Variants in NCAPG observed in about 807,000 individuals in gnomAD.
The protein encoded by NCAPG is condensin complex subunit 3.
Under a neutral mutation model 113.1 loss-of-function variants are expected in NCAPG, and 69 were observed. The observed-to-expected ratio is 0.61, with a 90% confidence interval of 0.50 to 0.75. The LOEUF is 0.75. NCAPG is among the 30% of genes least tolerant of loss of function. The pLI, the probability that NCAPG is intolerant of heterozygous loss-of-function variation, is 0.00. For synonymous variants in NCAPG, 370 were observed against 415.8 expected (o/e 0.89, Z 1.34); for missense variants, 1,058 against 1,177.0 (o/e 0.90, Z 1.48).
At chr4:17,819,196 CATTTA>C (rs941859261) in intron 7 of NCAPG, among the ~76,000 whole-genome samples, 10 of 151,962 alleles carry the variant, frequency 6.6e-5, no homozygotes, top group African/African-American at 2.2e-4. Flanking sequence ...ATGGTGGTAA[CATTTA>C]ATTTATTCCT....
chr4:17,823,167 T>C, intron 8 of NCAPG, 44 bp downstream of exon 8: 1 of 1,550,420 alleles, frequency 6.4e-7, no homozygotes. Flanking sequence ...CCCTTCTAAT[T>C]TCTTATATTG....
intron 7 of NCAPG, among the ~76,000 whole-genome samples, chr4:17,820,623 A>G (rs1280723786): frequency 1.3e-5 from 2 of 152,098 alleles, no homozygotes; most frequent in African/African-American, 4.8e-5. Context: ...AAAAAAGAAA[A>G]CTTTCAGAAA....
chr4:17,844,288 A>G lies in NCAPG; in HGVS notation c.*863A>G, dbSNP rs1000767303. 3.3e-5 allele frequency: 5 copies of G among 152,324 alleles called. No homozygotes were observed. Among genetic ancestry groups the G allele is most frequent in the African/African-American group, 1.2e-4 (5 of 41,426 alleles). 9.4% of individuals were successfully genotyped at this position (152,324 alleles called of 1,614,324 possible). ...GCCTGACTTACGAAACTTGTACTAT[A>G]TGAAATTGGTCCTCTTTTCTGCAAT... On this transcript the variant is annotated 3_prime_UTR_variant, in exon 21 of 21. Transcript: ENST00000251496.
chr4:17,818,932 A>G (rs1335530833), intron 7 of NCAPG, among the ~76,000 whole-genome samples: 1 of 152,240 alleles, frequency 6.6e-6, no homozygotes, highest in Non-Finnish European at 1.5e-5. Context: ...TTTATTTCCT[A>G]CTTCCTCAAT....
chr4:17,824,852 T>C (rs1410086588), intron 9 of NCAPG, 116 bp from the exon 10 acceptor site: 2 of 600,234 alleles, frequency 3.3e-6, no homozygotes, highest in Admixed American at 3.5e-5. Context: ...TCTACCAGTA[T>C]GTTTTTGCTC....
chr4:17,825,665 G>A, intron 11 of NCAPG, 104 bp downstream of exon 11: 2 of 1,079,076 alleles, frequency 1.9e-6, no homozygotes, highest in Non-Finnish European at 2.6e-6. Flanking sequence ...TTTACTTTGA[G>A]CACTTTGTAA....
At position 17,815,271 on chromosome 4, in the gene NCAPG, A is replaced by G; in HGVS notation, c.691-3A>G. 1 of 1,594,464 alleles carries G rather than the reference A, an allele frequency of 6.3e-7. No individual in the cohort carries two copies. Among genetic ancestry groups the G allele is most frequent in the Admixed American group, 1.8e-5 (1 of 55,028 alleles). On this transcript the variant is annotated splice_polypyrimidine_tract_variant and splice_region_variant and intron_variant, in intron 4 of 20. Transcript: ENST00000251496. ...ATGACCATCTTTATAAATTATTTTTAAGGTTTTAGCTGAAAAGGTTCATAT... is the reference window on the plus strand; with the variant it reads ...ATGACCATCTTTATAAATTATTTTTGAGGTTTTAGCTGAAAAGGTTCATAT...
At position 17,843,490 on chromosome 4, in the gene NCAPG, T is replaced by C. The variant is rs1722631256; in HGVS notation, c.*65T>C. On this transcript the variant is annotated 3_prime_UTR_variant, in exon 21 of 21. Coordinates refer to ENST00000251496, the MANE Select transcript of NCAPG (RefSeq NM_022346.5). ...GTTATTTGCTTTAATAAAGAAGAAG[T>C]TACCCTTGTCAAAATCAGAACAAAC... The C allele has an allele frequency of 1.3e-6, 2 of 1,555,824 alleles. No homozygotes were observed. Among genetic ancestry groups the C allele is most frequent in the Middle Eastern group, 1.7e-4 (1 of 5,766 alleles).
intron 13 of NCAPG, among the ~76,000 whole-genome samples, chr4:17,831,791 C>T (rs1392321236): frequency 1.3e-5 from 2 of 152,128 alleles, no homozygotes; most frequent in Non-Finnish European, 2.9e-5. Context: ...GCAGGATGTC[C>T]ATGTCTTCTA....
Position 17,828,380 on chromosome 4 carries a change from G to T in NCAPG, c.1756G>T (p.Glu586Ter). ...GLSATMNGIIESLILPGIISI... is the reference protein window; with the variant it reads ...GLSATMNGII ...AAGTGCAACCATGAATGGAATCATCGAATCTTTGGTATGTTGATGGCCTCT... is the reference window on the plus strand; with the variant it reads ...AAGTGCAACCATGAATGGAATCATCTAATCTTTGGTATGTTGATGGCCTCT... Residue 586 changes from glutamate (E) to a stop codon, truncating the protein, a stop_gained, in exon 12 of 21, where the codon GAA (glutamate) becomes TAA (stop). Coordinates refer to ENST00000251496, the MANE Select transcript of NCAPG (RefSeq NM_022346.5). LOFTEE classifies it high-confidence loss of function. 6.3e-7 allele frequency: 1 copy of T among 1,599,446 alleles called. No homozygotes were observed. The highest frequency in any genetic ancestry group is 8.5e-7 in the Non-Finnish European group (1 of 1,170,302).
intron 7 of NCAPG, among the ~76,000 whole-genome samples, chr4:17,819,169 G>T (rs1721344620): frequency 6.6e-6 from 1 of 151,690 alleles, no homozygotes; most frequent in Non-Finnish European, 1.5e-5. Context: ...AGTCTTAACA[G>T]CATATCATTC....
At chr4:17,829,673 A>T (rs1269694894) in intron 12 of NCAPG, among the ~76,000 whole-genome samples, 1 of 152,244 alleles carries the variant, frequency 6.6e-6, no homozygotes, top group African/African-American at 2.4e-5. Flanking sequence ...GTTTGGATAA[A>T]AGTTATATTT....
Position 17,811,114 on chromosome 4 carries a change from G to T in NCAPG, c.37G>T (p.Ala13Ser). 1.3e-6 allele frequency: 2 copies of T among 1,533,574 alleles called. No individual in the cohort carries two copies. The highest frequency in any genetic ancestry group is 2.4e-5 in the South Asian group (2 of 82,016). 95.0% of individuals were successfully genotyped at this position (1,533,574 alleles called of 1,614,324 possible). A position where few individuals can be genotyped will look rare whatever the true frequency, so the allele number is the denominator to read the frequency against. ...AERRLLSIKE[A>S]FRLAQQPHQN... The stretch of plus-strand genomic sequence containing the variant: ...AAGGAGGCTGCTGTCGATTAAGGAG[G>T]CCTTTCGGCTGGCGCAGCAGCCGCA... The change falls in exon 1 of 21, where the codon GCC becomes TCC. Residue 13 changes from alanine (A) to serine (S), a missense_variant. Ala to Ser is a moderately conservative substitution (Grantham distance 99). Coordinates refer to ENST00000251496, the MANE Select transcript of NCAPG (RefSeq NM_022346.5). This position sits in a 1 kb window ranked among gnomAD's most constrained non-coding sequence, Gnocchi z 5.3.
At chr4:17,817,126 T>C in intron 5 of NCAPG, 135 bp from the exon 6 acceptor site, 1 of 625,746 alleles carries the variant, frequency 1.6e-6, no homozygotes, top group Non-Finnish European at 2.7e-6. Flanking sequence ...AATATATATA[T>C]ACATGCTTAG....
chr4:17,827,405 T>C (rs1438717640), intron 11 of NCAPG, among the ~76,000 whole-genome samples: 1 of 152,184 alleles, frequency 6.6e-6, no homozygotes, highest in Non-Finnish European at 1.5e-5. Context: ...GTTGGGAGAC[T>C]TACAGTAGGG....
At chr4:17,832,524 GT>G (rs1480536182) in intron 13 of NCAPG, among the ~76,000 whole-genome samples, 2 of 152,140 alleles carry the variant, frequency 1.3e-5, no homozygotes, top group African/African-American at 4.8e-5. Context: ...GAAATAAGGA[GT>G]TCAATATTGG....
intron 16 of NCAPG, among the ~76,000 whole-genome samples, chr4:17,839,310 T>C (rs926364185): frequency 5.3e-5 from 8 of 152,216 alleles, no homozygotes; most frequent in Non-Finnish European, 1.2e-4. Context: ...GGGCCAGTCA[T>C]TGGATTTGGA....
At chr4:17,823,262 T>C (rs913508737) in intron 8 of NCAPG, 139 bp downstream of exon 8, 4 of 665,636 alleles carry the variant, frequency 6.0e-6, no homozygotes, top group Non-Finnish European at 9.8e-6. Flanking sequence ...CCCTTCTACA[T>C]ATTTCCATAT....
intron 20 of NCAPG, 195 bp downstream of exon 20, chr4:17,842,574 G>T (rs2109074580): frequency 1.9e-6 from 1 of 535,126 alleles, no homozygotes; most frequent in Non-Finnish European, 3.4e-6. Context: ...GTTTGCTTTT[G>T]CCTATTAGCT....
Sources: gnomAD v4.1 joint callset for allele counts (sites outside exome capture counted in the v4.1 genomes callset) on GRCh38, gnomAD v4.1.1 for gene constraint, Gnocchi (gnomAD v3.1) non-coding constraint, MANE v1.5 for transcripts, NCBI Gene and HGNC (gene_info 2026-07-23, HGNC 2026-07-21) for gene names.